Variants in IREB2 observed in about 807,000 individuals in gnomAD.
IREB2 encodes the protein iron responsive element binding protein 2.
In IREB2, 39 loss-of-function variants were observed where a neutral mutation model predicts 118.8. That is an observed-to-expected ratio of 0.33 (90% confidence interval 0.25 to 0.43). IREB2 has a LOEUF of 0.43. Ranked by LOEUF, IREB2 falls within the 20% of genes least tolerant of loss-of-function variation. The probability of loss-of-function intolerance (pLI) is 1.00; values close to 1 mark genes in which losing one functional copy is unlikely to be tolerated. For missense variants in IREB2, 900 were observed against 1,147.3 expected (o/e 0.78, Z 3.11); for synonymous variants, 372 against 392.2 (o/e 0.95, Z 0.61).
intron 10 of IREB2, 28 bp from the exon 11 acceptor site, chr15:78,483,290 C>A: frequency 1.9e-6 from 2 of 1,053,404 alleles, no homozygotes; most frequent in South Asian, 1.3e-5. Context: ...ATTCTAATTC[C>A]TTGTTCTTTC....
At chr15:78,466,530 A>G (rs771968241) in intron 5 of IREB2, 41 bp downstream of exon 5, 10 of 1,369,396 alleles carry the variant, frequency 7.3e-6, no homozygotes, top group South Asian at 1.2e-5. Context: ...ATACCAGGTT[A>G]TTTTCCAGTT....
At chr15:78,447,642 TTA>T (rs2050953556) in intron 2 of IREB2, among the ~76,000 whole-genome samples, 1 of 152,088 alleles carries the variant, frequency 6.6e-6, no homozygotes, top group African/African-American at 2.4e-5. Flanking sequence ...GATTTTTTTT[TTA>T]TCTTTTATAG....
chr15:78,456,203 T>C (rs1168950259), intron 2 of IREB2, among the ~76,000 whole-genome samples: 1 of 152,214 alleles, frequency 6.6e-6, no homozygotes, highest in Non-Finnish European at 1.5e-5. Context: ...ATCTTGGAGA[T>C]TGGCTACCAC....
At chr15:78,482,591 T>C (rs1043774840) in intron 10 of IREB2, among the ~76,000 whole-genome samples, 3 of 152,070 alleles carry the variant, frequency 2.0e-5, no homozygotes, top group Non-Finnish European at 4.4e-5. Context: ...AAAGGAGAAA[T>C]GTTTACTAAC....
chr15:78,466,187 C>A, intron 4 of IREB2, 84 bp from the exon 5 acceptor site: 1 of 784,982 alleles, frequency 1.3e-6, no homozygotes, highest in Non-Finnish European at 2.1e-6. Flanking sequence ...TTCCAGATAG[C>A]GTTGCTAATG....
chr15:78,487,077 T>C (rs1373042939), intron 13 of IREB2, among the ~76,000 whole-genome samples: 1 of 152,228 alleles, frequency 6.6e-6, no homozygotes, highest in Non-Finnish European at 1.5e-5. Flanking sequence ...GAAAGTAATT[T>C]AGAGGACTGT....
chr15:78,470,689 C>CT (rs67871183), intron 6 of IREB2, 88 bp downstream of exon 6: 56,264 of 208,376 alleles, frequency 0.27, 8,058 homozygotes, highest in Non-Finnish European at 0.3. Flanking sequence ...TTTTCTTTTC[C>CT]TTTTTTTTTT....
chr15:78,470,687 TC>T (rs2051360604), intron 6 of IREB2, 86 bp downstream of exon 6: 3 of 517,574 alleles, frequency 5.8e-6, no homozygotes, highest in Admixed American at 3.8e-5. Context: ...CTTTTTCTTT[TC>T]CTTTTTTTTT....
chr15:78,439,920 CTA>C, intron 2 of IREB2, 39 bp downstream of exon 2: 1 of 1,239,098 alleles, frequency 8.1e-7, no homozygotes, highest in Non-Finnish European at 1.2e-6. Flanking sequence ...TGTTTAGTCT[CTA>C]ATAATGAAAA....
chr15:78,487,751 T>C lies in IREB2; in HGVS notation c.1728T>C (p.Tyr576=), dbSNP rs775122442. Residue 576 remains tyrosine (Y), a synonymous_variant, in exon 14 of 22, where the codon TAT becomes TAC. Coordinates refer to ENST00000258886, the MANE Select transcript of IREB2 (RefSeq NM_004136.4). The part of the protein sequence containing the change: ...LSKLGFEIVG[Y]GCSICVGNTA... The stretch of plus-strand genomic sequence containing the variant: ...AATGCAGATTTGAAATCGTTGGCTA[T>C]GGATGTTCAATTTGTGTGGGAAATA... 2 of 1,602,966 alleles carry C rather than the reference T, an allele frequency of 1.2e-6. No homozygotes were observed. Among genetic ancestry groups the C allele is most frequent in the Non-Finnish European group, 1.7e-6 (2 of 1,170,240 alleles).
chr15:78,438,668 A>C, intron 1 of IREB2: 1 of 451,354 alleles, frequency 2.2e-6, no homozygotes. Flanking sequence ...CGTCAGCAAC[A>C]CCAGGGGCAG....
At chr15:78,455,781 A>G (rs570377192) in intron 2 of IREB2, among the ~76,000 whole-genome samples, 98 of 152,336 alleles carry the variant, frequency 6.4e-4, no homozygotes, top group Non-Finnish European at 1.2e-3. Flanking sequence ...AAGTTGAGGA[A>G]GAAAAGATAT....
At chr15:78,438,646 C>T in intron 1 of IREB2, 1 of 492,704 alleles carries the variant, frequency 2.0e-6, no homozygotes, top group South Asian at 2.7e-5. Context: ...CTGCCAGCGG[C>T]TTCCTGGCCC....
Position 78,494,076 on chromosome 15 carries a change from A to G in IREB2, c.2472+20A>G. 1 of 1,613,518 alleles carries G rather than the reference A, an allele frequency of 6.2e-7. No individual in the cohort carries two copies. The highest frequency in any genetic ancestry group is 1.7e-4 in the Middle Eastern group (1 of 6,058). ...CAGACGGTGAGAATGCAAACAAAGT[A>G]TTTAGACAATTTATAACTGGATCAA... On this transcript the variant is annotated intron_variant, in intron 19 of 21. Coordinates refer to ENST00000258886, the MANE Select transcript of IREB2 (RefSeq NM_004136.4).
chr15:78,483,130 G>T (rs55786254), intron 10 of IREB2, among the ~76,000 whole-genome samples, 188 bp from the exon 11 acceptor site: 1,604 of 152,156 alleles, frequency 0.011, 21 homozygotes, highest in Non-Finnish European at 0.018. Context: ...TTCATGTTTC[G>T]TACATTTAAA....
intron 2 of IREB2, among the ~76,000 whole-genome samples, chr15:78,460,457 T>C (rs954270222): frequency 1.3e-5 from 2 of 152,194 alleles, no homozygotes; most frequent in African/African-American, 4.8e-5. Context: ...ATATATTTGA[T>C]GTATTTTGGT....
chr15:78,451,719 C>T (rs983451569), intron 2 of IREB2, among the ~76,000 whole-genome samples: 2 of 151,900 alleles, frequency 1.3e-5, no homozygotes, highest in Admixed American at 1.3e-4. Context: ...GATGGAGTTT[C>T]ACTCTAGTCT....
chr15:78,447,671 A>G (rs2050954265), intron 2 of IREB2, among the ~76,000 whole-genome samples: 1 of 151,676 alleles, frequency 6.6e-6, no homozygotes, highest in South Asian at 2.1e-4. Flanking sequence ...GAGTCTCCTG[A>G]ACTCCTGACC....
chr15:78,470,837 GGC>G, intron 6 of IREB2: 5 of 300,082 alleles, frequency 1.7e-5, no homozygotes, highest in Non-Finnish European at 2.4e-5. Flanking sequence ...TGGGATTACA[GGC>G]GCACACCAGC....
Sources: allele counts gnomAD v4.1 joint callset (sites outside exome capture counted in the v4.1 genomes callset), GRCh38; gene constraint gnomAD v4.1.1; transcripts MANE v1.5; gene names NCBI Gene and HGNC (gene_info 2026-07-23, HGNC 2026-07-21).